CCDC57: variants seen among roughly 807,000 people sequenced by gnomAD.
CCDC57 encodes the protein coiled-coil domain containing 57.
In CCDC57, 118 loss-of-function variants were observed where a neutral mutation model predicts 118.9. The observed-to-expected ratio is 0.99, with a 90% CI of 0.86 to 1.16. CCDC57 has a LOEUF of 1.16. Ranked by LOEUF, CCDC57 falls within the 50% of genes most tolerant of loss-of-function variation. The pLI is 0.00. For missense variants in CCDC57, 1,300 were observed against 1,320.7 expected (o/e 0.98, Z 0.24); for synonymous variants, 527 against 532.9 (o/e 0.99, Z 0.15).
intron 6 of CCDC57, 46 bp downstream of exon 5, chr17:82,193,936 C>A (rs537461174): frequency 2.5e-6 from 4 of 1,585,570 alleles, no homozygotes; most frequent in South Asian, 2.2e-5. Flanking sequence ...TCCTGGCCTG[C>A]GAGGCTGCCA....
At chr17:82,202,168 TA>T (rs2146920115) in intron 2 of CCDC57, among the ~76,000 whole-genome samples, 2 of 151,934 alleles carry the variant, frequency 1.3e-5, no homozygotes, top group East Asian at 3.9e-4. Flanking sequence ...CTGTCTCTAC[TA>T]AAAATACAAA....
intron 7 of CCDC57, 81 bp from the exon 7 acceptor site, chr17:82,188,500 C>A: frequency 7.2e-7 from 1 of 1,395,732 alleles, no homozygotes; most frequent in Non-Finnish European, 9.7e-7. Flanking sequence ...GCGTTCATTG[C>A]CCTGTCTCGT....
intron 2 of CCDC57, among the ~76,000 whole-genome samples, chr17:82,205,847 C>CA (rs1274645774): frequency 9.9e-5 from 15 of 152,232 alleles, no homozygotes. Context: ...TAAGAAGCCC[C>CA]ACACACCAAG....
intron 16 of CCDC57, among the ~76,000 whole-genome samples, chr17:82,136,463 A>C (rs899290459): frequency 4.6e-5 from 7 of 152,060 alleles, no homozygotes; most frequent in African/African-American, 1.4e-4. Context: ...CTGAAGTGAA[A>C]GGAATTCTGG....
chr17:82,151,253 A>C (rs200459652), intron 16 of CCDC57, among the ~76,000 whole-genome samples: 1,210 of 23,572 alleles, frequency 0.051, 1 homozygote, highest in Middle Eastern at 0.18. Context: ...AGAACCTGGC[A>C]CACACCCAGA....
rs185669362 is a variant in CCDC57, at chr17:82,148,255, T to G, written c.2455+3305A>C. Reference sequence around the variant, plus strand: ...GTGGGTAGATGGGTAGATGGATGGATGGATGGATGGTAGATGGATGGATGG... The same window carrying G: ...GTGGGTAGATGGGTAGATGGATGGAGGGATGGATGGTAGATGGATGGATGG... On this transcript the variant is annotated intron_variant, in intron 16 of 19. Transcript: ENST00000665763. Among the ~76,000 whole-genome samples, 41 of 111,558 alleles carry G rather than the reference T, an allele frequency of 3.7e-4. No individual in the cohort carries two copies. In the East Asian group the frequency reaches 5.8e-3, roughly 16 times the overall value. The allele number at this position is 111,558 out of a possible 152,430, so 73.2% of individuals were successfully genotyped here.
In CCDC57 at chr17:82,201,520, C is replaced by T. The variant is rs756488362; in HGVS notation, c.407+18G>A. ...CTGCCAGGCACTGCACAGGAGGGCG[C>T]GTCGGTCGGTGGCTCACCTGTGGAC... On this transcript the variant is annotated intron_variant, in intron 3 of 19. Transcript: ENST00000665763. The T allele has an allele frequency of 5.1e-6, 8 of 1,572,738 alleles. No individual in the cohort carries two copies. Among genetic ancestry groups the T allele is most frequent in the African/African-American group, 4.0e-5 (3 of 74,162 alleles).
At chr17:82,157,717 C>A in intron 15 of CCDC57, 31 bp downstream of exon 14, 1 of 1,550,932 alleles carries the variant, frequency 6.4e-7, no homozygotes, top group South Asian at 1.2e-5. Context: ...GGAACCTCGG[C>A]GGGTGGCAGG....
intron 19 of CCDC57, among the ~76,000 whole-genome samples, chr17:82,109,283 G>T (rs1282653425): frequency 6.6e-6 from 1 of 152,266 alleles, no homozygotes; most frequent in Non-Finnish European, 1.5e-5. Context: ...GGCGTGTGGA[G>T]CGCATGCCTG....
intron 17 of CCDC57, among the ~76,000 whole-genome samples, chr17:82,128,980 G>A (rs1420956486): frequency 4.6e-5 from 7 of 151,986 alleles, no homozygotes; most frequent in Middle Eastern, 3.4e-3. Flanking sequence ...GTACAGTGGC[G>A]TGATCTCGGC....
In CCDC57 at chr17:82,118,373, G is replaced by A. The variant is rs1023005337; in HGVS notation, c.2899+9319C>T. Among the ~76,000 whole-genome samples, 15 of 152,170 alleles carry A rather than the reference G, an allele frequency of 9.9e-5. No homozygotes were observed. The highest frequency in any genetic ancestry group is 3.6e-4 in the African/African-American group (15 of 41,442). On this transcript the variant is annotated intron_variant, in intron 19 of 19. Transcript: ENST00000665763. The surrounding 1 kb of genome is among the most constrained non-coding windows in gnomAD (Gnocchi z 4.7). Reference sequence around the variant, plus strand: ...GATGTGGGTGTTATCCATTAGCGCAGGACTGAAACCTGATGTGTTATTCAT... The same window carrying A: ...GATGTGGGTGTTATCCATTAGCGCAAGACTGAAACCTGATGTGTTATTCAT...
chr17:82,124,277 G>A (rs1193138374), intron 19 of CCDC57, among the ~76,000 whole-genome samples: 1 of 152,178 alleles, frequency 6.6e-6, no homozygotes, highest in South Asian at 2.1e-4. Flanking sequence ...CTGGAAGAGA[G>A]GAGGGAGAGT....
At chr17:82,163,504 G>T in intron 13 of CCDC57, 147 bp from the exon 13 acceptor site, 1 of 832,038 alleles carries the variant, frequency 1.2e-6, no homozygotes, top group Non-Finnish European at 1.9e-6. Context: ...CTTCATTGGA[G>T]TCAGCAGATC....
chr17:82,199,999 A>T (rs548876327), intron 3 of CCDC57, among the ~76,000 whole-genome samples: 117 of 152,326 alleles, frequency 7.7e-4, no homozygotes, highest in African/African-American at 2.7e-3. Flanking sequence ...CATCTGCTGC[A>T]GGGACTGCAG....
intron 1 of CCDC57, among the ~76,000 whole-genome samples, chr17:82,208,210 A>G (rs570664220): frequency 6.6e-5 from 10 of 151,724 alleles, no homozygotes; most frequent in East Asian, 5.8e-4. Context: ...GCCCAGCCCA[A>G]ATATATATAT....
intron 16 of CCDC57, among the ~76,000 whole-genome samples, chr17:82,150,817 A>T (rs1462059036): frequency 6.8e-5 from 6 of 88,150 alleles, no homozygotes; most frequent in African/African-American, 2.3e-4. Context: ...ACCCAGAACC[A>T]GGCGCACACT....
chr17:82,208,744 C>T (rs147577248), intron 1 of CCDC57, among the ~76,000 whole-genome samples: 2 of 152,112 alleles, frequency 1.3e-5, no homozygotes, highest in East Asian at 3.9e-4. Context: ...CTATATTGTC[C>T]AGCCTGGTCT....
rs1251727963 is a variant in CCDC57 at position 82,151,343 on chromosome 17, GCACACCCAGAACCTGGCA to G, written c.2455+199_2455+216del. Among the ~76,000 whole-genome samples the G allele has an allele frequency of 2.0e-3, 248 of 125,050 alleles. 1 individual carries two copies. The highest frequency in any genetic ancestry group is 4.7e-3 in the Middle Eastern group (1 of 214). 82.0% of individuals were successfully genotyped at this position (125,050 alleles called of 152,430 possible). A position where few individuals can be genotyped will look rare whatever the true frequency, so the allele number is the denominator to read the frequency against. The stretch of plus-strand genomic sequence containing the variant: ...ACCAGATGCACACCCAGAACCAGGT[GCACACCCAGAACCTGGCA>G]CACACCCAGAACCTGGCACACACCC... On this transcript the variant is annotated intron_variant, in intron 16 of 19. Coordinates refer to ENST00000665763, the Ensembl canonical transcript of CCDC57.
Position 82,195,372 on chromosome 17 carries a change from A to G in CCDC57, c.517-8T>C. ...AAACTCCAGCAGCAGTTCCTGGAAC[A>G]AACAGGTTTCATGATGAAAGAACAG... On this transcript the variant is annotated splice_polypyrimidine_tract_variant and splice_region_variant and intron_variant, in intron 4 of 19. Transcript: ENST00000665763. The G allele has an allele frequency of 6.3e-7, 1 of 1,579,134 alleles. No homozygotes were observed. The highest frequency in any genetic ancestry group is 8.6e-7 in the Non-Finnish European group (1 of 1,161,802).
Sources: allele counts gnomAD v4.1 joint callset (sites outside exome capture counted in the v4.1 genomes callset), GRCh38; gene constraint gnomAD v4.1.1; non-coding constraint Gnocchi (gnomAD v3.1); transcripts MANE v1.5; gene names NCBI Gene and HGNC (gene_info 2026-07-23, HGNC 2026-07-21).